Variants in SCN7A observed in about 807,000 individuals in gnomAD.
The protein encoded by SCN7A is sodium channel protein type 7 subunit alpha.
In SCN7A, 138 loss-of-function variants were observed where a neutral mutation model predicts 155.2. The observed-to-expected ratio is 0.89, with a 90% CI of 0.77 to 1.02. The LOEUF (loss-of-function observed/expected upper bound fraction) is 1.02, where lower values mean the gene tolerates loss of function less well. SCN7A is among the 50% of genes least tolerant of loss of function. The pLI, the probability that SCN7A is intolerant of heterozygous loss-of-function variation, is 0.00. For missense variants in SCN7A, 2,058 were observed against 1,986.6 expected (o/e 1.04, Z -0.68); for synonymous variants, 693 against 649.0 (o/e 1.07, Z -1.03).
intron 15 of SCN7A, among the ~76,000 whole-genome samples, chr2:166,438,419 G>C (rs753582387): frequency 6.6e-6 from 1 of 152,058 alleles, no homozygotes; most frequent in Non-Finnish European, 1.5e-5. Context: ...TTTATTAGCA[G>C]CATGAGAGTG....
intron 12 of SCN7A, among the ~76,000 whole-genome samples, chr2:166,445,493 G>A (rs1702043971): frequency 5.3e-5 from 8 of 152,146 alleles, no homozygotes; most frequent in Admixed American, 3.9e-4. Context: ...TTCTGATATG[G>A]AATTCAAAAA....
Position 166,457,054 on chromosome 2 carries a change from A to G in SCN7A, c.1106T>C (p.Val369Ala). The change falls in exon 11 of 26, where the codon GTC becomes GCC. Residue 369 changes from valine (V) to alanine (A), a missense_variant. By Grantham distance (64) the Val-to-Ala change is moderately conservative. Transcript: ENST00000643258. Reference sequence around the variant, plus strand: ...TACCACCACAAAAAATATCATGTAGACCTTCCCAGAAGCATAAAGTATCTA... The same window carrying G: ...TACCACCACAAAAAATATCATGTAGGCCTTCCCAGAAGCATAAAGTATCTA... Reference protein sequence around the residue: ...YHQILYASGKVYMIFFVVVSF... With the variant: ...YHQILYASGKAYMIFFVVVSF... The G allele has an allele frequency of 6.2e-7, 1 of 1,608,750 alleles. No homozygotes were observed. Among genetic ancestry groups the G allele is most frequent in the African/African-American group, 1.3e-5 (1 of 74,930 alleles).
At chr2:166,446,979 A>G (rs1305505492) in intron 12 of SCN7A, among the ~76,000 whole-genome samples, 4 of 152,200 alleles carry the variant, frequency 2.6e-5, no homozygotes, top group Non-Finnish European at 5.9e-5. Flanking sequence ...ATCATGGCAC[A>G]TGTATACCTG....
chr2:166,466,145 A>G (rs1158407231), intron 7 of SCN7A, among the ~76,000 whole-genome samples, 158 bp from the exon 8 acceptor site: 2 of 152,232 alleles, frequency 1.3e-5, no homozygotes, highest in Non-Finnish European at 2.9e-5. Context: ...AGTGAATACT[A>G]AATCAAAAGT....
rs114865354 is a variant in SCN7A at position 166,463,522 on chromosome 2, T to C, written c.942-992A>G. ...TTACCATGCAGCCAAGTATGACTGC[T>C]GCAGGTGAAACACTGCATGACTTTC... On this transcript the variant is annotated intron_variant, in intron 9 of 25. Transcript: ENST00000643258. Among the ~76,000 whole-genome samples the C allele has an allele frequency of 2.7e-3, 404 of 152,360 alleles. 5 individuals carry two copies. The highest frequency in any genetic ancestry group is 9.2e-3 in the African/African-American group (382 of 41,588).
rs776278268 is a variant in SCN7A at position 166,409,818 on chromosome 2, G to T, written c.3829C>A (p.Leu1277Ile). The change falls in exon 25 of 26, where the codon CTA becomes ATA. Residue 1277 changes from leucine to isoleucine, a missense_variant. Transcript: ENST00000643258. ...AMMIDTDVQS[L>I]QMSIALYWIN... ...CAGTAGAGAGCAATGGACATTTGTA[G>T]ACTCTGAACATCAGTGTCTATCATC... 7.0e-6 allele frequency: 11 copies of T among 1,573,108 alleles called. No individual in the cohort carries two copies. Among genetic ancestry groups the T allele is most frequent in the Non-Finnish European group, 5.2e-6 (6 of 1,156,940 alleles).
intron 3 of SCN7A, among the ~76,000 whole-genome samples, chr2:166,475,414 CTACT>C (rs1168286477): frequency 6.6e-6 from 1 of 150,718 alleles, no homozygotes; most frequent in Non-Finnish European, 1.5e-5. Context: ...GAAAAATAGA[CTACT>C]TAGTACAAAT....
chr2:166,437,678 C>G (rs1413234644), intron 15 of SCN7A, among the ~76,000 whole-genome samples: 1 of 152,184 alleles, frequency 6.6e-6, no homozygotes, highest in Non-Finnish European at 1.5e-5. Flanking sequence ...TGGAGCTATC[C>G]AAGGCCATGG....
intron 11 of SCN7A, 37 bp from the exon 12 acceptor site, chr2:166,447,745 G>C: frequency 7.1e-7 from 1 of 1,414,388 alleles, no homozygotes; most frequent in Non-Finnish European, 1.0e-6. Flanking sequence ...CTGGCTTCCT[G>C]TCTTTGCAGG....
At chr2:166,481,334 T>C (rs1057441605) in intron 2 of SCN7A, among the ~76,000 whole-genome samples, 2 of 152,292 alleles carry the variant, frequency 1.3e-5, no homozygotes, top group East Asian at 1.9e-4. Flanking sequence ...AGTACAGTGA[T>C]TGGCACATAA....
chr2:166,456,819 TATATATATATAGATAG>T (rs972477717), intron 11 of SCN7A, 35 bp downstream of exon 11: 32 of 644,122 alleles, frequency 5.0e-5, no homozygotes, highest in Non-Finnish European at 6.8e-5. Flanking sequence ...TATATATATA[TATATATATATAGATAG>T]ATAGATAGAT....
In SCN7A at chr2:166,404,156, A is replaced by C. The variant is rs1033287028; in HGVS notation, c.*1424T>G. On this transcript the variant is annotated 3_prime_UTR_variant, in exon 26 of 26. Transcript: ENST00000643258. Reference sequence around the variant, plus strand: ...ATGATATTTAAATCAATAATATATAAATTTTCTTTCTGAATCTTTTAGGAC... The same window carrying C: ...ATGATATTTAAATCAATAATATATACATTTTCTTTCTGAATCTTTTAGGAC... The C allele has an allele frequency of 6.6e-6, 1 of 151,888 alleles. No homozygotes were observed. The highest frequency in any genetic ancestry group is 2.4e-5 in the African/African-American group (1 of 41,402). The allele number at this position is 151,888 out of a possible 1,614,324, so 9.4% of individuals were successfully genotyped here.
intron 18 of SCN7A, 137 bp downstream of exon 18, chr2:166,427,651 G>T: frequency 1.7e-6 from 1 of 579,120 alleles, no homozygotes; most frequent in Non-Finnish European, 2.8e-6. Context: ...TTAAATCACA[G>T]ATTATGAAAT....
intron 24 of SCN7A, 25 bp downstream of exon 24, chr2:166,410,195 T>G (rs1454149042): frequency 1.4e-6 from 2 of 1,480,840 alleles, no homozygotes; most frequent in East Asian, 4.9e-5. Context: ...CATTGAAGTT[T>G]CAAAAAATCT....
At chr2:166,423,805 C>A (rs76363307) in intron 18 of SCN7A, among the ~76,000 whole-genome samples, 2 of 152,078 alleles carry the variant, frequency 1.3e-5, no homozygotes, top group East Asian at 3.9e-4. Flanking sequence ...TTCCAGGTAG[C>A]CAACTCACAG....
intron 12 of SCN7A, among the ~76,000 whole-genome samples, chr2:166,445,323 A>G (rs1486445462): frequency 6.7e-6 from 1 of 150,176 alleles, no homozygotes; most frequent in African/African-American, 2.4e-5. Flanking sequence ...CAAAAGAAAG[A>G]AGGAAAAAAG....
Position 166,432,378 on chromosome 2 carries a change from A to G in SCN7A, c.2532T>C (p.Asp844=), listed in dbSNP as rs1416924289. ...TCTCCTTATTATCCAGATTTTCTAT[A>G]TCAGATTCTCCTGAAGCAATTGGTA... ...ETVPIASGES[D]IENLDNKEIQ... Residue 844 remains aspartate, a synonymous_variant, in exon 16 of 26, where the codon GAT becomes GAC. Transcript: ENST00000643258. The G allele has an allele frequency of 6.2e-7, 1 of 1,613,118 alleles. No homozygotes were observed. The highest frequency in any genetic ancestry group is 8.5e-7 in the Non-Finnish European group (1 of 1,179,488).
At chr2:166,446,093 C>T (rs58557578) in intron 12 of SCN7A, among the ~76,000 whole-genome samples, 3,448 of 152,152 alleles carry the variant, frequency 0.023, 131 homozygotes, top group African/African-American at 0.079. Flanking sequence ...AACAGACAAC[C>T]TACAGAATGG....
chr2:166,434,061 T>A lies in SCN7A; in HGVS notation c.2158-1309A>T, dbSNP rs190640151. On this transcript the variant is annotated intron_variant, in intron 15 of 25. Coordinates refer to ENST00000643258, the MANE Select transcript of SCN7A (RefSeq NM_002976.4). The stretch of plus-strand genomic sequence containing the variant: ...ACTATTTGTGTGTACATAAAATAAG[T>A]ATGTGAGCATCTCCAAAGACTCATA... Among the ~76,000 whole-genome samples the A allele has an allele frequency of 2.4e-3, 363 of 152,266 alleles. 1 individual carries two copies. The highest frequency in any genetic ancestry group is 8.5e-3 in the African/African-American group (355 of 41,560).
Sources: allele counts gnomAD v4.1 joint callset (sites outside exome capture counted in the v4.1 genomes callset), GRCh38; gene constraint gnomAD v4.1.1; transcripts MANE v1.5; gene names NCBI Gene and HGNC (gene_info 2026-07-23, HGNC 2026-07-21).